Variants in DPH6 observed in about 807,000 individuals in gnomAD.
DPH6 encodes the protein diphthine--ammonia ligase.
In DPH6, 33 loss-of-function variants were observed where a neutral mutation model predicts 38.2. That is an observed-to-expected ratio of 0.86 (90% CI 0.65 to 1.15). The LOEUF is 1.15. DPH6 is among the 50% of genes most tolerant of loss of function. DPH6 has a pLI of 0.00. For synonymous variants in DPH6, 108 were observed against 103.0 expected, an observed-to-expected ratio of 1.05 and a Z score of -0.30; for missense variants, 325 against 320.0, an observed-to-expected ratio of 1.02 and a Z score of -0.12.
At chr15:35,488,273 T>G (rs1031813071) in intron 3 of DPH6, among the ~76,000 whole-genome samples, 5 of 152,224 alleles carry the variant, frequency 3.3e-5, no homozygotes, top group Non-Finnish European at 7.3e-5. Flanking sequence ...TCCAAGCTAC[T>G]TCCACATTTT....
At chr15:35,361,042 C>T (rs2052609956) in intron 3 of DPH6, among the ~76,000 whole-genome samples, 1 of 152,166 alleles carries the variant, frequency 6.6e-6, no homozygotes, top group Non-Finnish European at 1.5e-5. Flanking sequence ...TATAAGCCAA[C>T]CTGATTCCTC....
intron 3 of DPH6, among the ~76,000 whole-genome samples, chr15:35,499,742 T>C (rs1471432243): frequency 6.6e-6 from 1 of 152,180 alleles, no homozygotes; most frequent in Admixed American, 6.6e-5. Context: ...GATTCATGGA[T>C]CTATCAGACA....
At chr15:35,425,702 T>C (rs2053560874) in intron 5 of DPH6, among the ~76,000 whole-genome samples, 2 of 150,168 alleles carry the variant, frequency 1.3e-5, no homozygotes, top group African/African-American at 4.9e-5. Flanking sequence ...GGTGTGTGTG[T>C]GTATGGGTGT....
At chr15:35,468,254 A>G (rs938250632) in intron 3 of DPH6, among the ~76,000 whole-genome samples, 6 of 152,192 alleles carry the variant, frequency 3.9e-5, no homozygotes, top group Admixed American at 3.9e-4. Context: ...ATTTCATTTT[A>G]CAGAAGAGAA....
chr15:35,370,283 T>C (rs927894494), downstream of DPH6, among the ~76,000 whole-genome samples: 3 of 151,096 alleles, frequency 2.0e-5, no homozygotes, highest in African/African-American at 4.9e-5. Flanking sequence ...TTTGCAATGA[T>C]TTTACAGATA....
At chr15:35,369,879 G>C (rs770054786), downstream of DPH6, among the ~76,000 whole-genome samples, 3 of 151,674 alleles carry the variant, frequency 2.0e-5, no homozygotes, top group Non-Finnish European at 4.4e-5. Flanking sequence ...TGATTGTAAG[G>C]TTTTTATCAA....
intron 3 of DPH6, among the ~76,000 whole-genome samples, chr15:35,478,123 A>G (rs2054283308): frequency 6.6e-6 from 1 of 151,930 alleles, no homozygotes; most frequent in Non-Finnish European, 1.5e-5. Context: ...CAGTAACTCA[A>G]AGAAACAGCA....
chr15:35,335,360 T>C (rs930637176), intron 3 of DPH6, among the ~76,000 whole-genome samples: 13 of 152,160 alleles, frequency 8.5e-5, no homozygotes, highest in African/African-American at 2.9e-4. Context: ...ACTTTGTTGA[T>C]AGTTTTTTTA....
chr15:35,329,482 A>T (rs2052310570), downstream of DPH6, among the ~76,000 whole-genome samples: 1 of 152,174 alleles, frequency 6.6e-6, no homozygotes, highest in Admixed American at 6.6e-5. Flanking sequence ...TAGATTTCTA[A>T]ATTCCTTGAC....
chr15:35,523,449 A>G (rs2054953153), intron 3 of DPH6, among the ~76,000 whole-genome samples: 1 of 151,902 alleles, frequency 6.6e-6, no homozygotes, highest in Non-Finnish European at 1.5e-5. Flanking sequence ...AGATCCTATT[A>G]AGGTTGGTAG....
chr15:35,464,317 T>C (rs1341229884), intron 3 of DPH6, among the ~76,000 whole-genome samples: 2 of 150,300 alleles, frequency 1.3e-5, no homozygotes, highest in Non-Finnish European at 3.0e-5. Context: ...ATAAGGCAAA[T>C]ATGTGACATA....
chr15:35,527,287 ATTTG>A (rs2055018075), intron 3 of DPH6, among the ~76,000 whole-genome samples: 1 of 151,830 alleles, frequency 6.6e-6, no homozygotes, highest in Non-Finnish European at 1.5e-5. Context: ...ATATATTCTC[ATTTG>A]TTTTCAAAAC....
At chr15:35,366,277 T>A (rs1233998425), downstream of DPH6, among the ~76,000 whole-genome samples, 3 of 150,298 alleles carry the variant, frequency 2.0e-5, no homozygotes, top group Non-Finnish European at 4.4e-5. Context: ...CATATAAAAT[T>A]TTCTGAAGGG....
intron 5 of DPH6, among the ~76,000 whole-genome samples, chr15:35,424,267 A>C (rs1595551408): frequency 6.6e-6 from 1 of 151,642 alleles, no homozygotes; most frequent in South Asian, 2.1e-4. Context: ...AGTGTGCAAG[A>C]CTTTCACTTC....
At chr15:35,417,055 A>C (rs2053445480) in intron 5 of DPH6, among the ~76,000 whole-genome samples, 2 of 152,088 alleles carry the variant, frequency 1.3e-5, no homozygotes, top group Admixed American at 1.3e-4. Flanking sequence ...GATTCCATAA[A>C]TATCAAACTA....
chr15:35,439,788 A>AT (rs2053764099), intron 5 of DPH6, among the ~76,000 whole-genome samples: 1 of 149,434 alleles, frequency 6.7e-6, no homozygotes, highest in Non-Finnish European at 1.5e-5. Flanking sequence ...TAAAAAAGGA[A>AT]AAAAAAAAAA....
chr15:35,354,073 T>TATTATTCA lies in DPH6; in HGVS notation n.207+19447_207+19448insTGAATAAT, dbSNP rs1489987200. ...AATGGGAGTTCACTCATGATTTGGC[T>TATTATTCA]CTCTGTTTGTCTATTATTGGTGTAT... is the stretch of plus-strand genomic sequence containing the variant. On this transcript the variant is annotated intron_variant and non_coding_transcript_variant, in intron 3 of 3. Coordinates refer to the DPH6 transcript ENST00000558973. 3.3e-5 allele frequency among the ~76,000 whole-genome samples: 5 copies of TATTATTCA among 152,322 alleles called. No individual in the cohort carries two copies. In the East Asian group the frequency reaches 9.6e-4, roughly 29 times the overall value.
chr15:35,191,078 T>C, the DPH6 span, among the ~76,000 whole-genome samples: 17 of 152,196 alleles, frequency 1.1e-4, no homozygotes, highest in Non-Finnish European at 1.8e-4. Flanking sequence ...AATCTTTCTT[T>C]TAATAGTTTG....
At chr15:35,352,716 T>C (rs901276343) in intron 3 of DPH6, among the ~76,000 whole-genome samples, 1 of 152,242 alleles carries the variant, frequency 6.6e-6, no homozygotes, top group Admixed American at 6.5e-5. Context: ...GTCTTTGCTA[T>C]TGTGAATAGT....
Sources: gnomAD v4.1 joint callset for allele counts (sites outside exome capture counted in the v4.1 genomes callset) on GRCh38, gnomAD v4.1.1 for gene constraint, MANE v1.5 for transcripts, NCBI Gene and HGNC (gene_info 2026-07-23, HGNC 2026-07-21) for gene names.